Variants in GALNTL6 observed in about 807,000 individuals in gnomAD.
GALNTL6 encodes the protein polypeptide N-acetylgalactosaminyltransferase like 6, also known as polypeptide N-acetylgalactosaminyltransferase-like 6.
In GALNTL6, 46 loss-of-function variants were observed where a neutral mutation model predicts 73.7. The observed-to-expected ratio is 0.62, with a 90% CI of 0.49 to 0.80. The LOEUF (loss-of-function observed/expected upper bound fraction) is 0.80. Ranked by LOEUF, GALNTL6 falls within the 30% of genes least tolerant of loss-of-function variation. GALNTL6 has a pLI of 0.00. For missense variants in GALNTL6, 604 were observed against 755.0 expected (o/e 0.80, Z 2.34); for synonymous variants, 259 against 263.7 (o/e 0.98, Z 0.17).
intron 2 of GALNTL6, among the ~76,000 whole-genome samples, chr4:172,102,271 G>A (rs543150834): frequency 1.3e-5 from 2 of 152,128 alleles, no homozygotes; most frequent in Non-Finnish European, 2.9e-5. Context: ...TGCTACAGAC[G>A]CTTATTAACT....
intron 9 of GALNTL6, among the ~76,000 whole-genome samples, chr4:172,941,560 C>A (rs1054985318): frequency 1.3e-5 from 2 of 152,116 alleles, no homozygotes; most frequent in African/African-American, 4.8e-5. Context: ...CATGGTGAGA[C>A]CAGTTTGTGG....
chr4:171,842,082 CAA>C (rs1192653712), intron 2 of GALNTL6, among the ~76,000 whole-genome samples: 1 of 152,018 alleles, frequency 6.6e-6, no homozygotes, highest in African/African-American at 2.4e-5. Flanking sequence ...TTTGGAAAGA[CAA>C]ATAATCTTTT....
intron 2 of GALNTL6, chr4:172,052,547 C>G: frequency 6.6e-7 from 1 of 1,512,972 alleles, no homozygotes; most frequent in East Asian, 2.5e-5. Context: ...CGGTAAAAAG[C>G]AAACGGCTGC....
intron 2 of GALNTL6, among the ~76,000 whole-genome samples, chr4:172,158,474 A>G (rs1171383284): frequency 6.6e-6 from 1 of 151,866 alleles, no homozygotes; most frequent in Non-Finnish European, 1.5e-5. Flanking sequence ...CTGTAGTTTT[A>G]TGCTATGTTA....
intron 5 of GALNTL6, among the ~76,000 whole-genome samples, chr4:172,552,653 A>C (rs557964416): frequency 1.3e-5 from 2 of 152,018 alleles, no homozygotes; most frequent in East Asian, 3.9e-4. Context: ...GTCATGCACA[A>C]ATTGTTTTTC....
At chr4:172,998,692 A>G (rs904256273) in intron 10 of GALNTL6, among the ~76,000 whole-genome samples, 1 of 152,060 alleles carries the variant, frequency 6.6e-6, no homozygotes, top group Admixed American at 6.6e-5. Context: ...GGATCCCTCT[A>G]TGAAATTTGA....
At chr4:172,556,501 T>A (rs1348229090) in intron 5 of GALNTL6, among the ~76,000 whole-genome samples, 4 of 152,088 alleles carry the variant, frequency 2.6e-5, no homozygotes, top group Non-Finnish European at 5.9e-5. Flanking sequence ...TTTTTAAGTA[T>A]AATATGTTCC....
intron 5 of GALNTL6, among the ~76,000 whole-genome samples, chr4:172,419,418 A>T (rs993666137): frequency 6.6e-6 from 1 of 152,194 alleles, no homozygotes; most frequent in Non-Finnish European, 1.5e-5. Context: ...TGATTATTTT[A>T]GTTATAATTT....
At chr4:172,021,610 A>C (rs1233147154) in intron 2 of GALNTL6, among the ~76,000 whole-genome samples, 2 of 152,090 alleles carry the variant, frequency 1.3e-5, no homozygotes, top group Non-Finnish European at 2.9e-5. Context: ...TTTATATGGA[A>C]CCATAAAGAC....
chr4:172,127,345 C>G (rs1203519339), intron 2 of GALNTL6, among the ~76,000 whole-genome samples: 1 of 152,246 alleles, frequency 6.6e-6, no homozygotes, highest in East Asian at 1.9e-4. Context: ...CTACTGGGGC[C>G]CAAGGTTGGG....
chr4:172,604,273 A>G (rs1180590785), intron 5 of GALNTL6, among the ~76,000 whole-genome samples: 1 of 152,204 alleles, frequency 6.6e-6, no homozygotes, highest in Admixed American at 6.5e-5. Flanking sequence ...TGTACTTATG[A>G]GTATATATTA....
At chr4:172,263,690 C>G (rs1195833557) in intron 3 of GALNTL6, among the ~76,000 whole-genome samples, 1 of 151,458 alleles carries the variant, frequency 6.6e-6, no homozygotes, top group Non-Finnish European at 1.5e-5. Context: ...CTTTCTTTCT[C>G]ACATTTAAAT....
chr4:172,496,197 C>G (rs1734064598), intron 5 of GALNTL6, among the ~76,000 whole-genome samples: 1 of 152,080 alleles, frequency 6.6e-6, no homozygotes. Context: ...ACTCCCAATT[C>G]CTTCTTAAAC....
chr4:172,049,672 G>A (rs967620324), intron 2 of GALNTL6, among the ~76,000 whole-genome samples: 2 of 152,142 alleles, frequency 1.3e-5, no homozygotes, highest in Non-Finnish European at 2.9e-5. Flanking sequence ...TCAAGGTAAT[G>A]TAAGTATTTC....
Position 171,904,478 on chromosome 4 carries a change from G to C in GALNTL6, c.138+89760G>C, listed in dbSNP as rs188620340. 4.6e-5 allele frequency among the ~76,000 whole-genome samples: 7 copies of C among 152,312 alleles called. No homozygotes were observed. In the East Asian group the frequency reaches 1.4e-3, roughly 29 times the overall value. On this transcript the variant is annotated intron_variant, in intron 2 of 12. Transcript: ENST00000506823. The stretch of plus-strand genomic sequence containing the variant: ...AAAAAGAAACGAGTAAAGCCTCCAA[G>C]AAATATGGGACTATGTGAAAAGACC...
chr4:172,890,895 A>G (rs1579616564), intron 8 of GALNTL6, among the ~76,000 whole-genome samples: 1 of 152,178 alleles, frequency 6.6e-6, no homozygotes, highest in East Asian at 1.9e-4. Context: ...ATATAGATTT[A>G]TAATAATTGT....
chr4:171,871,698 C>T (rs1264229632), intron 2 of GALNTL6, among the ~76,000 whole-genome samples: 1 of 151,868 alleles, frequency 6.6e-6, no homozygotes. Context: ...TATTTAGGTC[C>T]CGAAAAAAAC....
chr4:172,467,070 A>T (rs889296409), intron 5 of GALNTL6, among the ~76,000 whole-genome samples: 3 of 152,306 alleles, frequency 2.0e-5, no homozygotes, highest in South Asian at 2.1e-4. Context: ...TAATCAATAC[A>T]TCAACTCTTA....
At chr4:172,902,808 T>C (rs1470882884) in intron 8 of GALNTL6, among the ~76,000 whole-genome samples, 1 of 152,180 alleles carries the variant, frequency 6.6e-6, no homozygotes, top group Non-Finnish European at 1.5e-5. Flanking sequence ...CATTCAGCCC[T>C]TATCAGTCAC....
Sources: gnomAD v4.1 joint callset for allele counts (sites outside exome capture counted in the v4.1 genomes callset) on GRCh38, gnomAD v4.1.1 for gene constraint, MANE v1.5 for transcripts, NCBI Gene and HGNC (gene_info 2026-07-23, HGNC 2026-07-21) for gene names.